SPAG16: variants seen among roughly 807,000 people sequenced by gnomAD.
SPAG16 encodes sperm-associated antigen 16 protein.
Under a neutral mutation model 80.4 loss-of-function variants are expected in SPAG16, and 86 were observed. The observed-to-expected ratio is 1.07, with a 90% CI of 0.90 to 1.28. The LOEUF (loss-of-function observed/expected upper bound fraction) is 1.28, where lower values mean the gene tolerates loss of function less well. SPAG16 is among the 50% of genes most tolerant of loss of function. The probability of loss-of-function intolerance (pLI) is 0.00; values close to 1 mark genes in which losing one functional copy is unlikely to be tolerated. For synonymous variants in SPAG16, 294 were observed against 265.9 expected (o/e 1.11, Z -1.03); for missense variants, 870 against 765.3 (o/e 1.14, Z -1.61).
chr2:213,773,391 A>G (rs1480956720), intron 10 of SPAG16, among the ~76,000 whole-genome samples: 5 of 152,232 alleles, frequency 3.3e-5, no homozygotes, highest in Admixed American at 6.5e-5. Context: ...TATGGCATAT[A>G]GAGTGAAATT....
chr2:213,468,221 A>C (rs1449955223), intron 9 of SPAG16, among the ~76,000 whole-genome samples: 1 of 151,824 alleles, frequency 6.6e-6, no homozygotes, highest in Non-Finnish European at 1.5e-5. Flanking sequence ...TCTATCATGG[A>C]TAGTTTGGAG....
intron 9 of SPAG16, among the ~76,000 whole-genome samples, chr2:213,482,633 T>G (rs1258282164): frequency 6.6e-6 from 1 of 152,188 alleles, no homozygotes; most frequent in African/African-American, 2.4e-5. Context: ...AATTATGTTC[T>G]TCTTAGGTAA....
chr2:213,297,434 T>G, intron 3 of SPAG16, 77 bp downstream of exon 3: 1 of 793,246 alleles, frequency 1.3e-6, no homozygotes, highest in Non-Finnish European at 2.1e-6. Flanking sequence ...GTCTTTTAAA[T>G]GTAAATACTA....
chr2:213,442,603 A>G (rs1435623645), intron 9 of SPAG16, among the ~76,000 whole-genome samples: 2 of 152,250 alleles, frequency 1.3e-5, no homozygotes, highest in Non-Finnish European at 2.9e-5. Flanking sequence ...AGAGTGGCCA[A>G]CAAATACAGC....
chr2:213,360,147 T>C (rs939967342), intron 7 of SPAG16, among the ~76,000 whole-genome samples: 70 of 152,334 alleles, frequency 4.6e-4, no homozygotes, highest in African/African-American at 1.7e-3. Flanking sequence ...GGTTTTACCA[T>C]GGACAATGCT....
chr2:213,780,504 G>T (rs1290233322), intron 10 of SPAG16, among the ~76,000 whole-genome samples: 1 of 148,210 alleles, frequency 6.7e-6, no homozygotes, highest in South Asian at 2.1e-4. Flanking sequence ...TCTGGTGTTA[G>T]TTTCAAGTAG....
At chr2:213,920,982 A>G (rs2106207853) in intron 11 of SPAG16, among the ~76,000 whole-genome samples, 1 of 152,270 alleles carries the variant, frequency 6.6e-6, no homozygotes, top group African/African-American at 2.4e-5. Context: ...GAGTAGGTTG[A>G]TCCTTGTCAG....
intron 5 of SPAG16, among the ~76,000 whole-genome samples, chr2:213,321,900 G>A (rs1480189622): frequency 2.0e-5 from 3 of 151,954 alleles, no homozygotes; most frequent in Non-Finnish European, 2.9e-5. Context: ...GAGAGCATAC[G>A]TTTTCTATTG....
chr2:214,256,472 T>A lies in SPAG16; in HGVS notation c.1720+107206T>A, dbSNP rs1346797649. 5.3e-5 allele frequency among the ~76,000 whole-genome samples: 8 copies of A among 151,984 alleles called. No homozygotes were observed. The East Asian group carries it at 1.5e-3, about 29-fold the overall frequency. Reference sequence around the variant, plus strand: ...TAGAAACCTCTGTCTACTTCTTATTTGAAAAGGTATTCTCCTTTGCTGTTT... The same window carrying A: ...TAGAAACCTCTGTCTACTTCTTATTAGAAAAGGTATTCTCCTTTGCTGTTT... On this transcript the variant is annotated intron_variant, in intron 15 of 15. Transcript: ENST00000331683.
chr2:214,318,553 T>G (rs1695858120), intron 15 of SPAG16, among the ~76,000 whole-genome samples: 1 of 151,904 alleles, frequency 6.6e-6, no homozygotes. Flanking sequence ...GGCTAGTTTT[T>G]TGTAGAGAGA....
intron 15 of SPAG16, among the ~76,000 whole-genome samples, chr2:214,236,108 C>T (rs1335300106): frequency 6.6e-6 from 1 of 152,144 alleles, no homozygotes; most frequent in Non-Finnish European, 1.5e-5. Context: ...ACCCATCTGC[C>T]AGACTATATT....
At chr2:213,387,892 A>G (rs11683573) in intron 9 of SPAG16, among the ~76,000 whole-genome samples, 29,398 of 152,160 alleles carry the variant, frequency 0.19, 3,813 homozygotes, top group Non-Finnish European at 0.29. Flanking sequence ...TATTATAAAG[A>G]TCTAGTAAGA....
intron 5 of SPAG16, among the ~76,000 whole-genome samples, chr2:213,334,996 C>G (rs545539111): frequency 2.6e-5 from 4 of 152,080 alleles, no homozygotes; most frequent in African/African-American, 9.7e-5. Flanking sequence ...GATGGATGCT[C>G]TATTTTCCAT....
chr2:213,399,612 A>G (rs894190257), intron 9 of SPAG16, among the ~76,000 whole-genome samples: 10 of 152,070 alleles, frequency 6.6e-5, no homozygotes, highest in African/African-American at 2.4e-4. Context: ...AATAAAATTG[A>G]TCTTTAATTT....
intron 12 of SPAG16, among the ~76,000 whole-genome samples, chr2:213,964,542 T>G (rs2106361421): frequency 6.6e-6 from 1 of 152,312 alleles, no homozygotes; most frequent in East Asian, 1.9e-4. Context: ...GCACTTTGAC[T>G]ATGCCATATA....
chr2:213,528,102 T>C (rs2075951794), intron 10 of SPAG16, among the ~76,000 whole-genome samples: 1 of 152,130 alleles, frequency 6.6e-6, no homozygotes, highest in South Asian at 2.1e-4. Flanking sequence ...AGATGAAGCT[T>C]ATATGGGATT....
At chr2:213,765,890 A>G (rs1348372965) in intron 10 of SPAG16, among the ~76,000 whole-genome samples, 1 of 152,190 alleles carries the variant, frequency 6.6e-6, no homozygotes, top group Non-Finnish European at 1.5e-5. Flanking sequence ...GGTTTAGGAC[A>G]ATAGGATTAG....
chr2:213,940,465 T>C (rs2079152558), intron 12 of SPAG16, among the ~76,000 whole-genome samples: 1 of 152,060 alleles, frequency 6.6e-6, no homozygotes, highest in South Asian at 2.1e-4. Context: ...TATATATTTA[T>C]TTTTATTTTT....
intron 10 of SPAG16, among the ~76,000 whole-genome samples, chr2:213,841,112 C>CT (rs2074343089): frequency 1.3e-5 from 2 of 151,856 alleles, no homozygotes; most frequent in South Asian, 4.1e-4. Context: ...TATTATAGTG[C>CT]TTTTTTGGTT....
Sources: gnomAD v4.1 joint callset for allele counts (sites outside exome capture counted in the v4.1 genomes callset) on GRCh38, gnomAD v4.1.1 for gene constraint, MANE v1.5 for transcripts, NCBI Gene and HGNC (gene_info 2026-07-23, HGNC 2026-07-21) for gene names.